Variants in ZNF670 observed in about 807,000 individuals in gnomAD.
ZNF670 encodes the protein zinc finger protein 670.
In ZNF670, 7 loss-of-function variants were observed where a neutral mutation model predicts 10.9. That is an observed-to-expected ratio of 0.64 (90% confidence interval 0.36 to 1.20). The LOEUF is 1.20. Ranked by LOEUF, ZNF670 falls within the 50% of genes most tolerant of loss-of-function variation. The pLI is 0.02. For missense variants in ZNF670, 446 were observed against 458.6 expected (o/e 0.97, Z 0.25); for synonymous variants, 136 against 152.7 (o/e 0.89, Z 0.81).
chr1:247,044,219 C>T (rs548794010), intron 1 of ZNF670, among the ~76,000 whole-genome samples: 19 of 151,602 alleles, frequency 1.3e-4, no homozygotes, highest in African/African-American at 3.4e-4. Flanking sequence ...TCAAGGTTCA[C>T]GGAAGGAGCA....
intron 1 of ZNF670, among the ~76,000 whole-genome samples, chr1:247,047,154 G>C: frequency 6.6e-6 from 1 of 152,330 alleles, no homozygotes. Context: ...ACTGTAAGCT[G>C]TCAGTGGATC....
At position 247,034,917 on chromosome 1, in the gene ZNF670, T is replaced by G. The variant is rs530609448; in HGVS notation, c.*2532A>C. Among the ~76,000 whole-genome samples, 73 of 152,318 alleles carry G rather than the reference T, an allele frequency of 4.8e-4. No individual in the cohort carries two copies. Among genetic ancestry groups the G allele is most frequent in the African/African-American group, 1.7e-3 (71 of 41,574 alleles). On this transcript the variant is annotated 3_prime_UTR_variant, in exon 4 of 4. Transcript: ENST00000366503. ...CCTCAATGTGGGGTACCTTGGAAAC[T>G]GCCTGCCAAACACAGGTCAAGGTGG...
intron 1 of ZNF670, among the ~76,000 whole-genome samples, chr1:247,077,804 T>C (rs1433047630): frequency 6.6e-6 from 1 of 152,182 alleles, no homozygotes; most frequent in Non-Finnish European, 1.5e-5. Context: ...ATGTGGAGTG[T>C]TATGTGAAAA....
rs1405220054 is a variant in ZNF670 at position 247,037,802 on chromosome 1, T to C, written c.817A>G (p.Arg273Gly). 6.2e-7 allele frequency: 1 copy of C among 1,613,314 alleles called. No individual in the cohort carries two copies. The highest frequency in any genetic ancestry group is 8.5e-7 in the Non-Finnish European group (1 of 1,179,808). The change falls in exon 4 of 4, where the codon AGA becomes GGA. Residue 273 changes from arginine to glycine, a missense_variant. Arg to Gly is a moderately radical substitution (Grantham distance 125). Transcript: ENST00000366503. ...SRSTYLGIHERTHTGEKPYEC... is the reference protein window; with the variant it reads ...SRSTYLGIHEGTHTGEKPYEC... ...TAGGGTTTTTCTCCAGTATGCGTTC[T>C]TTCATGTATTCCCAAGTAAGTGGAA... is the stretch of plus-strand genomic sequence containing the variant.
chr1:247,078,490 C>T (rs1671307913), intron 1 of ZNF670, 104 bp downstream of exon 1: 1 of 1,461,938 alleles, frequency 6.8e-7, no homozygotes. Flanking sequence ...CGCGAGGCGC[C>T]GGCGGAAACT....
chr1:247,049,243 A>G (rs549592418), intron 1 of ZNF670, among the ~76,000 whole-genome samples: 3 of 151,936 alleles, frequency 2.0e-5, no homozygotes, highest in Admixed American at 1.3e-4. Context: ...AATTACAGGA[A>G]TGTGTCACCA....
intron 1 of ZNF670, among the ~76,000 whole-genome samples, chr1:247,066,081 C>CA (rs971432104): frequency 7.2e-5 from 11 of 151,982 alleles, no homozygotes; most frequent in African/African-American, 2.7e-4. Flanking sequence ...CAAGAAATCA[C>CA]AAAAAAAGAG....
intron 1 of ZNF670, among the ~76,000 whole-genome samples, chr1:247,063,079 T>G (rs1670894935): frequency 6.6e-6 from 1 of 152,236 alleles, no homozygotes; most frequent in Non-Finnish European, 1.5e-5. Flanking sequence ...CATGAAGATT[T>G]TATACAGTGG....
rs1670131162 is a variant in ZNF670 at position 247,035,614 on chromosome 1, C to T, written c.*1835G>A. ...TAATATAAACTAGTTATGCATAATT[C>T]ATAGTAACTTACAAAACTGTACTAT... On this transcript the variant is annotated 3_prime_UTR_variant, in exon 4 of 4. Coordinates refer to ENST00000366503, the MANE Select transcript of ZNF670 (RefSeq NM_033213.5). Among the ~76,000 whole-genome samples, 1 of 152,096 alleles carries T rather than the reference C, an allele frequency of 6.6e-6. No individual in the cohort carries two copies. Among genetic ancestry groups the T allele is most frequent in the Non-Finnish European group, 1.5e-5 (1 of 68,014 alleles).
intron 1 of ZNF670, among the ~76,000 whole-genome samples, chr1:247,066,097 T>A (rs555442861): frequency 1.3e-5 from 2 of 151,696 alleles, no homozygotes; most frequent in African/African-American, 4.8e-5. Context: ...AAGAGGAGAG[T>A]CAAGATGGTC....
At chr1:247,074,569 T>A (rs1229194837) in intron 1 of ZNF670, among the ~76,000 whole-genome samples, 1 of 152,164 alleles carries the variant, frequency 6.6e-6, no homozygotes, top group African/African-American at 2.4e-5. Flanking sequence ...GTTCCCCACC[T>A]TTTTGGCATC....
At chr1:247,069,170 C>A (rs1671060153) in intron 1 of ZNF670, among the ~76,000 whole-genome samples, 1 of 150,970 alleles carries the variant, frequency 6.6e-6, no homozygotes, top group Non-Finnish European at 1.5e-5. Flanking sequence ...TACATTTTAA[C>A]GTAACTTAAA....
intron 3 of ZNF670, 80 bp downstream of exon 3, chr1:247,038,730 G>T (rs10924897): frequency 0.29 from 377,949 of 1,282,366 alleles, 59,338 homozygotes; most frequent in African/African-American, 0.46. Context: ...GTGGTTCTTA[G>T]TTGTTTTGTC....
chr1:247,040,853 G>A lies in ZNF670; in HGVS notation c.4-1316C>T, dbSNP rs565566453. ...TGAGATTACAGGCATGTGTCACCAC[G>A]CCCAGCTGATTTTGTATTTTTAGTA... On this transcript the variant is annotated intron_variant, in intron 1 of 3. Transcript: ENST00000366503. Among the ~76,000 whole-genome samples the A allele has an allele frequency of 2.1e-4, 32 of 151,978 alleles. No individual in the cohort carries two copies. In the South Asian group the frequency reaches 4.8e-3, roughly 23 times the overall value.
Position 247,037,614 on chromosome 1 carries a change from T to A in ZNF670, c.1005A>T (p.Lys335Asn), listed in dbSNP as rs975387651. 6.2e-7 allele frequency: 1 copy of A among 1,614,094 alleles called. No individual in the cohort carries two copies. The highest frequency in any genetic ancestry group is 8.5e-7 in the Non-Finnish European group (1 of 1,180,002). ...TACCACATTCCTTACATCCATAAGG[T>A]TTCACTCCAGTGTGAGTTCTTTCAT... ...CEHERTHTGV[K>N]PYGCKECGKS... Residue 335 changes from lysine to asparagine, a missense_variant, in exon 4 of 4, where the codon AAA becomes AAT. By Grantham distance (94) the Lys-to-Asn change is moderately conservative. Transcript: ENST00000366503.
intron 1 of ZNF670, among the ~76,000 whole-genome samples, chr1:247,062,630 G>A (rs369350503): frequency 2.0e-5 from 3 of 152,190 alleles, no homozygotes; most frequent in Non-Finnish European, 4.4e-5. Context: ...TCACTAAAAT[G>A]CTCAGTGACT....
chr1:247,038,875 A>C lies in ZNF670; in HGVS notation c.131-5T>G. The C allele has an allele frequency of 6.2e-7, 1 of 1,608,546 alleles. No homozygotes were observed. The highest frequency in any genetic ancestry group is 8.5e-7 in the Non-Finnish European group (1 of 1,175,756). On this transcript the variant is annotated splice_polypyrimidine_tract_variant and splice_region_variant and intron_variant, in intron 2 of 3. Transcript: ENST00000366503. ...TCTGGTCTTCTGATTTGTTTCCTAAAAGGTACAACCATAAGATTATTCAAA... is the reference window on the plus strand; with the variant it reads ...TCTGGTCTTCTGATTTGTTTCCTAACAGGTACAACCATAAGATTATTCAAA...
chr1:247,053,942 T>A (rs1374420678), intron 1 of ZNF670, among the ~76,000 whole-genome samples: 1 of 152,206 alleles, frequency 6.6e-6, no homozygotes, highest in Non-Finnish European at 1.5e-5. Flanking sequence ...CTGAAAAGAT[T>A]AGGTAAGAGT....
At chr1:247,054,077 C>A (rs1670661014) in intron 1 of ZNF670, among the ~76,000 whole-genome samples, 1 of 152,174 alleles carries the variant, frequency 6.6e-6, no homozygotes, top group African/African-American at 2.4e-5. Context: ...GTAGTGCTGC[C>A]AACACCAGGC....
Sources: gnomAD v4.1 joint callset for allele counts (sites outside exome capture counted in the v4.1 genomes callset) on GRCh38, gnomAD v4.1.1 for gene constraint, MANE v1.5 for transcripts, NCBI Gene and HGNC (gene_info 2026-07-23, HGNC 2026-07-21) for gene names.